COG6: variants seen among roughly 807,000 people sequenced by gnomAD.
COG6 encodes conserved oligomeric Golgi complex subunit 6.
Under a neutral mutation model 88.8 loss-of-function variants are expected in COG6, and 74 were observed. The ratio of observed to expected loss-of-function variants is 0.83; its 90% CI spans 0.69 to 1.01. The LOEUF is 1.01. Ranked by LOEUF, COG6 falls within the 50% of genes least tolerant of loss-of-function variation. COG6 has a pLI of 0.00. For synonymous variants in COG6, 286 were observed against 278.7 expected, an observed-to-expected ratio of 1.03 and a Z score of -0.26; for missense variants, 800 against 797.9, an observed-to-expected ratio of 1.00 and a Z score of -0.03.
At chr13:39,657,661 A>G in intron 1 of COG6, among the ~76,000 whole-genome samples, 1 of 150,048 alleles carries the variant, frequency 6.7e-6, no homozygotes, top group Non-Finnish European at 1.5e-5. Flanking sequence ...AATAACAAAT[A>G]GAAACATGAA....
chr13:39,687,839 A>G, intron 10 of COG6, 40 bp downstream of exon 10: 1 of 1,336,554 alleles, frequency 7.5e-7, no homozygotes, highest in Non-Finnish European at 1.1e-6. Context: ...TAAATATAGA[A>G]AATAACACAA....
In COG6 at chr13:39,788,351, C is replaced by T. The variant is rs1173644965; in HGVS notation, c.1843C>T (p.Pro615Ser). 1.9e-6 allele frequency: 3 copies of T among 1,551,772 alleles called. No individual in the cohort carries two copies. In the East Asian group the frequency reaches 7.3e-5, roughly 38 times the overall value. Reference sequence around the variant, plus strand: ...TGCTCACAGGCGTCCACCCAACGGCCCATGATCATCTTGTAACCAGTGCAG... The same window carrying T: ...TGCTCACAGGCGTCCACCCAACGGCTCATGATCATCTTGTAACCAGTGCAG... The change falls in exon 19 of 19, where the codon CCA becomes TCA. Residue 615 changes from proline to serine, a missense_variant. Coordinates refer to the COG6 transcript ENST00000416691.
chr13:39,785,066 G>C (rs1164667856), intron 18 of COG6, among the ~76,000 whole-genome samples: 5 of 152,234 alleles, frequency 3.3e-5, no homozygotes, highest in Non-Finnish European at 7.3e-5. Flanking sequence ...TCAGCCTTGT[G>C]GCTATGGCAT....
intron 7 of COG6, among the ~76,000 whole-genome samples, chr13:39,681,756 C>T (rs1036559721): frequency 1.3e-5 from 2 of 152,166 alleles, no homozygotes; most frequent in African/African-American, 4.8e-5. Flanking sequence ...TAGTTAACCA[C>T]ATTAACAATT....
intron 18 of COG6, among the ~76,000 whole-genome samples, chr13:39,758,089 G>A (rs569422126): frequency 1.5e-4 from 22 of 151,600 alleles, no homozygotes; most frequent in Non-Finnish European, 2.7e-4. Context: ...GCGTGGTGGC[G>A]GATGCCTGTA....
At chr13:39,656,762 G>C in intron 1 of COG6, 1 of 450,304 alleles carries the variant, frequency 2.2e-6, no homozygotes, top group South Asian at 1.6e-5. Context: ...TTATTAGATA[G>C]AACCACTAAA....
intron 18 of COG6, among the ~76,000 whole-genome samples, chr13:39,734,623 GTA>G (rs1879636450): frequency 6.6e-6 from 1 of 152,116 alleles, no homozygotes; most frequent in Non-Finnish European, 1.5e-5. Flanking sequence ...CATTTGGTCT[GTA>G]GTGCAGATTA....
At chr13:39,765,122 G>A (rs1445667792) in intron 18 of COG6, among the ~76,000 whole-genome samples, 1 of 149,206 alleles carries the variant, frequency 6.7e-6, no homozygotes, top group African/African-American at 2.5e-5. Flanking sequence ...AAAGTTTTTA[G>A]CAAGGAAATA....
chr13:39,705,258 T>C (rs949388782), intron 13 of COG6, among the ~76,000 whole-genome samples: 3 of 152,214 alleles, frequency 2.0e-5, no homozygotes, highest in Admixed American at 6.5e-5. Context: ...TTTAAAAATA[T>C]GATTGCTTTT....
intron 7 of COG6, among the ~76,000 whole-genome samples, chr13:39,681,113 A>G (rs760399261): frequency 1.3e-5 from 2 of 152,216 alleles, no homozygotes; most frequent in African/African-American, 2.4e-5. Context: ...GAAGATATTT[A>G]AAACAAGCAA....
At chr13:39,684,452 G>C (rs1009652197) in intron 8 of COG6, among the ~76,000 whole-genome samples, 1 of 151,154 alleles carries the variant, frequency 6.6e-6, no homozygotes, top group African/African-American at 2.4e-5. Flanking sequence ...GGGTTTCACC[G>C]TGTTAGCCAG....
chr13:39,666,091 GA>G (rs1875244981), intron 4 of COG6, among the ~76,000 whole-genome samples: 1 of 152,154 alleles, frequency 6.6e-6, no homozygotes, highest in Non-Finnish European at 1.5e-5. Context: ...GATTTTTACA[GA>G]AAAAGTCTGT....
At chr13:39,695,706 T>C (rs1877235508) in intron 12 of COG6, among the ~76,000 whole-genome samples, 1 of 151,850 alleles carries the variant, frequency 6.6e-6, no homozygotes, top group African/African-American at 2.4e-5. Flanking sequence ...ATCTTACTAG[T>C]AGATTTTCAA....
chr13:39,721,698 A>C (rs929281997), intron 15 of COG6, among the ~76,000 whole-genome samples: 1 of 152,116 alleles, frequency 6.6e-6, no homozygotes, highest in Non-Finnish European at 1.5e-5. Flanking sequence ...CTCCAAAGTA[A>C]CAATTTACCT....
At chr13:39,736,793 A>G (rs1285837143) in intron 18 of COG6, among the ~76,000 whole-genome samples, 1 of 152,168 alleles carries the variant, frequency 6.6e-6, no homozygotes, top group Admixed American at 6.5e-5. Context: ...CTGAAAGGTC[A>G]CATATGTCTG....
At chr13:39,775,720 C>T (rs1881443711) in intron 18 of COG6, among the ~76,000 whole-genome samples, 1 of 151,818 alleles carries the variant, frequency 6.6e-6, no homozygotes, top group South Asian at 2.1e-4. Context: ...AATCCAGCTA[C>T]AGTAAAAGCT....
At chr13:39,779,486 A>C (rs1881564583) in intron 18 of COG6, among the ~76,000 whole-genome samples, 1 of 152,184 alleles carries the variant, frequency 6.6e-6, no homozygotes, top group African/African-American at 2.4e-5. Flanking sequence ...CTTCTGTGTC[A>C]CAAAGCCTTG....
At chr13:39,689,852 A>G (rs1876881779) in intron 11 of COG6, 28 bp downstream of exon 11, 2 of 1,355,138 alleles carry the variant, frequency 1.5e-6, no homozygotes, top group Non-Finnish European at 2.1e-6. Flanking sequence ...TACATATGCT[A>G]TATGGTACCT....
intron 18 of COG6, among the ~76,000 whole-genome samples, chr13:39,733,010 A>G (rs1378248504): frequency 6.6e-6 from 1 of 152,138 alleles, no homozygotes; most frequent in Non-Finnish European, 1.5e-5. Flanking sequence ...ACCAGAACAC[A>G]GTAGAATATC....
Sources: allele counts gnomAD v4.1 joint callset (sites outside exome capture counted in the v4.1 genomes callset), GRCh38; gene constraint gnomAD v4.1.1; transcripts MANE v1.5; gene names NCBI Gene and HGNC (gene_info 2026-07-23, HGNC 2026-07-21).